Variants in ENTREP2 observed in about 807,000 individuals in gnomAD.
ENTREP2 encodes endosomal transmembrane epsin interactor 2, also known as protein ENTREP2.
chr15:29,235,967 A>C, the ENTREP2 span, among the ~76,000 whole-genome samples: 34 of 125,304 alleles, frequency 2.7e-4, no homozygotes, highest in African/African-American at 9.3e-4. Context: ...CATCTCAAAA[A>C]AAACAAAACA....
At chr15:29,192,783 T>A in the ENTREP2 span, among the ~76,000 whole-genome samples, 1 of 152,218 alleles carries the variant, frequency 6.6e-6, no homozygotes, top group African/African-American at 2.4e-5. Flanking sequence ...AAGTGGGGTT[T>A]ATCTTGGGAA....
the ENTREP2 span, among the ~76,000 whole-genome samples, chr15:29,138,601 ATGTG>A: frequency 1.1e-4 from 11 of 96,404 alleles, no homozygotes; most frequent in East Asian, 3.1e-4. Context: ...GTATATATGT[ATGTG>A]TGTGTTTGTA....
At chr15:29,223,633 C>T in the ENTREP2 span, among the ~76,000 whole-genome samples, 1 of 152,126 alleles carries the variant, frequency 6.6e-6, no homozygotes, top group African/African-American at 2.4e-5. Context: ...CTGGAGACCA[C>T]ACTTCTTGCA....
chr15:29,670,245 G>A, the ENTREP2 span, among the ~76,000 whole-genome samples: 6 of 152,166 alleles, frequency 3.9e-5, no homozygotes, highest in African/African-American at 1.4e-4. Context: ...GGAGAGGGAA[G>A]GTAAGCAACA....
the ENTREP2 span, among the ~76,000 whole-genome samples, chr15:29,130,525 T>C: frequency 6.6e-6 from 1 of 152,146 alleles, no homozygotes; most frequent in East Asian, 1.9e-4. Flanking sequence ...AGAACTCCGC[T>C]GTCTAAAAGA....
At chr15:29,457,369 G>T in the ENTREP2 span, among the ~76,000 whole-genome samples, 1 of 152,238 alleles carries the variant, frequency 6.6e-6, no homozygotes, top group African/African-American at 2.4e-5. Flanking sequence ...GAAAATACAA[G>T]CATGAGCAAG....
chr15:29,222,123 C>G, the ENTREP2 span, among the ~76,000 whole-genome samples: 11 of 152,056 alleles, frequency 7.2e-5, no homozygotes, highest in Non-Finnish European at 1.5e-4. Flanking sequence ...GAGGTCAGCA[C>G]AAGATACAGG....
the ENTREP2 span, among the ~76,000 whole-genome samples, chr15:29,139,566 A>G: frequency 5.9e-5 from 9 of 152,200 alleles, no homozygotes; most frequent in Non-Finnish European, 1.0e-4. Context: ...TTTCCAATTC[A>G]AGGCACCATT....
chr15:29,303,288 G>A, the ENTREP2 span, among the ~76,000 whole-genome samples: 243 of 152,250 alleles, frequency 1.6e-3, 1 homozygote, highest in African/African-American at 5.3e-3. Context: ...TTTTACATTT[G>A]TATTATGCAT....
the ENTREP2 span, among the ~76,000 whole-genome samples, chr15:29,277,142 C>G: frequency 1.3e-5 from 2 of 151,908 alleles, no homozygotes; most frequent in Non-Finnish European, 2.9e-5. Context: ...TCAGGAGTTC[C>G]AGACCAGCCT....
chr15:29,146,828 G>A, the ENTREP2 span, among the ~76,000 whole-genome samples: 5 of 152,036 alleles, frequency 3.3e-5, no homozygotes, highest in Non-Finnish European at 7.4e-5. Flanking sequence ...TCTGCTACTC[G>A]GGAGGCTGAG....
At chr15:29,444,210 G>GAAAGAAAGAAAGAAAGAAAGA in the ENTREP2 span, among the ~76,000 whole-genome samples, 26 of 146,022 alleles carry the variant, frequency 1.8e-4, 1 homozygote, top group African/African-American at 6.6e-4. Context: ...AAGAAAGAAA[G>GAAAGAAAGAAAGAAAGAAAGA]AAAGAAAGAA....
chr15:29,571,818 A>G, the ENTREP2 span, among the ~76,000 whole-genome samples: 1 of 152,196 alleles, frequency 6.6e-6, no homozygotes, highest in East Asian at 1.9e-4. Context: ...TGATGAGCCA[A>G]CTTTAAGACT....
At chr15:29,349,163 C>T in the ENTREP2 span, among the ~76,000 whole-genome samples, 1 of 152,138 alleles carries the variant, frequency 6.6e-6, no homozygotes, top group Admixed American at 6.5e-5. Flanking sequence ...CCCTGCAAAA[C>T]CAGCTCCCAT....
chr15:29,607,299 C>A, the ENTREP2 span, among the ~76,000 whole-genome samples: 1 of 139,218 alleles, frequency 7.2e-6, no homozygotes, highest in Non-Finnish European at 1.5e-5. Flanking sequence ...CTTCTCTCTT[C>A]ATTTCTTTTT....
the ENTREP2 span, chr15:29,613,880 C>A: frequency 6.0e-6 from 1 of 167,536 alleles, no homozygotes. Context: ...CTCACCATGC[C>A]CAAACTCACC....
the ENTREP2 span, among the ~76,000 whole-genome samples, chr15:29,578,944 TA>T: frequency 6.6e-6 from 1 of 152,206 alleles, no homozygotes; most frequent in Admixed American, 6.5e-5. Flanking sequence ...TTAACTCAAC[TA>T]GCACTATTAA....
At chr15:29,604,643 T>C in the ENTREP2 span, among the ~76,000 whole-genome samples, 1 of 152,312 alleles carries the variant, frequency 6.6e-6, no homozygotes, top group South Asian at 2.1e-4. Flanking sequence ...ATTTTGAATA[T>C]TTTATTTTGA....
At chr15:29,206,553 C>T in the ENTREP2 span, among the ~76,000 whole-genome samples, 1 of 152,180 alleles carries the variant, frequency 6.6e-6, no homozygotes, top group Admixed American at 6.5e-5. Flanking sequence ...CCACAGATCA[C>T]ACCCCGCATG....
Sources: gnomAD v4.1 joint callset for allele counts (sites outside exome capture counted in the v4.1 genomes callset) on GRCh38, gnomAD v4.1.1 for gene constraint, MANE v1.5 for transcripts, NCBI Gene and HGNC (gene_info 2026-07-23, HGNC 2026-07-21) for gene names.